The following CDH13 variants were observed in gnomAD, a reference collection of about 807,000 sequenced individuals.
CDH13 encodes the protein cadherin 13.
A neutral mutation model predicts 63.8 loss-of-function variants in CDH13; 24 were observed. The ratio of observed to expected loss-of-function variants is 0.38; its 90% CI spans 0.27 to 0.53. CDH13 has a LOEUF of 0.53. Ranked by LOEUF, CDH13 falls within the 20% of genes least tolerant of loss-of-function variation. The pLI is 0.85. For missense variants in CDH13, 1,049 were observed against 903.1 expected, an observed-to-expected ratio of 1.16 and a Z score of -2.07; for synonymous variants, 503 against 355.3, an observed-to-expected ratio of 1.42 and a Z score of -4.67.
intron 2 of CDH13, among the ~76,000 whole-genome samples, chr16:82,988,504 G>A (rs1911236306): frequency 6.6e-6 from 1 of 152,146 alleles, no homozygotes; most frequent in Admixed American, 6.5e-5. Context: ...GCTCACACAT[G>A]TAATCCCAGC....
At chr16:83,751,353 G>T (rs992299721) in intron 11 of CDH13, among the ~76,000 whole-genome samples, 2 of 152,134 alleles carry the variant, frequency 1.3e-5, no homozygotes, top group Non-Finnish European at 2.9e-5. Context: ...TCAGCACTTT[G>T]GGAGGCTGAG....
intron 1 of CDH13, among the ~76,000 whole-genome samples, chr16:82,693,927 C>A (rs1361066318): frequency 6.6e-6 from 1 of 152,158 alleles, no homozygotes; most frequent in Non-Finnish European, 1.5e-5. Context: ...TAATGGGATA[C>A]ACTAAGGTAC....
intron 5 of CDH13, among the ~76,000 whole-genome samples, chr16:83,334,586 G>C (rs2090552820): frequency 1.3e-5 from 2 of 151,540 alleles, no homozygotes; most frequent in African/African-American, 4.9e-5. Context: ...ACATTGCTCA[G>C]GCTGGTCTCA....
intron 5 of CDH13, among the ~76,000 whole-genome samples, chr16:83,295,801 A>C (rs1006619871): frequency 1.3e-5 from 2 of 152,180 alleles, no homozygotes; most frequent in African/African-American, 4.8e-5. Context: ...CATATGATTC[A>C]ACAATCTCAC....
At chr16:83,425,260 C>T (rs549999167) in intron 6 of CDH13, among the ~76,000 whole-genome samples, 1 of 152,164 alleles carries the variant, frequency 6.6e-6, no homozygotes, top group Non-Finnish European at 1.5e-5. Flanking sequence ...AAATGGGACC[C>T]AATATGTCAT....
chr16:83,772,182 A>T (rs1051957676), intron 11 of CDH13, among the ~76,000 whole-genome samples: 7 of 152,230 alleles, frequency 4.6e-5, no homozygotes, highest in Admixed American at 6.5e-5. Flanking sequence ...AGACTGAAAG[A>T]CATGCTTAAG....
At chr16:82,988,453 C>G (rs1014140128) in intron 2 of CDH13, among the ~76,000 whole-genome samples, 1 of 151,912 alleles carries the variant, frequency 6.6e-6, no homozygotes, top group East Asian at 1.9e-4. Flanking sequence ...TCTAGAAGAG[C>G]TGAAAACGTC....
intron 7 of CDH13, among the ~76,000 whole-genome samples, chr16:83,554,393 T>TA (rs2075564230): frequency 6.6e-6 from 1 of 151,922 alleles, no homozygotes; most frequent in South Asian, 2.1e-4. Context: ...AAGGAGCATA[T>TA]AATGGTGATG....
At chr16:83,137,017 G>T (rs2036318838) in intron 4 of CDH13, among the ~76,000 whole-genome samples, 1 of 152,232 alleles carries the variant, frequency 6.6e-6, no homozygotes, top group Non-Finnish European at 1.5e-5. Flanking sequence ...GTTGACTTCA[G>T]CACGGCACTG....
At chr16:82,872,979 A>G (rs1477975240) in intron 2 of CDH13, among the ~76,000 whole-genome samples, 2 of 152,224 alleles carry the variant, frequency 1.3e-5, no homozygotes, top group Admixed American at 1.3e-4. Flanking sequence ...ACCCTTGAGA[A>G]CACAGGAAAA....
At chr16:83,181,673 C>A (rs2038351934) in intron 4 of CDH13, among the ~76,000 whole-genome samples, 1 of 152,134 alleles carries the variant, frequency 6.6e-6, no homozygotes, top group Non-Finnish European at 1.5e-5. Context: ...GACTTGGAGC[C>A]AGGAAGGCTT....
intron 1 of CDH13, among the ~76,000 whole-genome samples, chr16:82,822,102 T>A (rs2038030885): frequency 6.6e-6 from 1 of 152,148 alleles, no homozygotes; most frequent in Admixed American, 6.5e-5. Context: ...TCGACAGACA[T>A]TTGCCTCACC....
chr16:83,152,735 G>C (rs1461681931), intron 4 of CDH13, among the ~76,000 whole-genome samples: 1 of 152,218 alleles, frequency 6.6e-6, no homozygotes, highest in Non-Finnish European at 1.5e-5. Context: ...CAAAACCCAT[G>C]TGTTGAAGTC....
intron 6 of CDH13, among the ~76,000 whole-genome samples, chr16:83,474,830 T>A (rs79130619): frequency 0.12 from 18,000 of 152,154 alleles, 1,397 homozygotes; most frequent in South Asian, 0.23. Context: ...GCAGTGACTG[T>A]TTGACTTCTG....
intron 4 of CDH13, among the ~76,000 whole-genome samples, chr16:83,143,508 A>G (rs2036622421): frequency 6.6e-6 from 1 of 152,216 alleles, no homozygotes; most frequent in Admixed American, 6.5e-5. Context: ...TGACTGAACT[A>G]AAAATATTTT....
chr16:82,949,349 C>T (rs935380194), intron 2 of CDH13, among the ~76,000 whole-genome samples: 6 of 152,268 alleles, frequency 3.9e-5, no homozygotes, highest in African/African-American at 1.2e-4. Context: ...CTTCACATGG[C>T]ATTTTCTTAT....
intron 1 of CDH13, among the ~76,000 whole-genome samples, chr16:82,780,006 G>A (rs1257506416): frequency 1.3e-5 from 2 of 152,078 alleles, no homozygotes; most frequent in Non-Finnish European, 2.9e-5. Context: ...TTTTGTGCCA[G>A]GAGCAAATCC....
chr16:83,471,904 C>T (rs966748758), intron 6 of CDH13, among the ~76,000 whole-genome samples: 2 of 152,104 alleles, frequency 1.3e-5, no homozygotes, highest in African/African-American at 4.8e-5. Flanking sequence ...TGATTGTCTC[C>T]CTTGTACAAA....
intron 3 of CDH13, among the ~76,000 whole-genome samples, chr16:83,077,412 C>T (rs1597285278): frequency 1.3e-5 from 2 of 151,684 alleles, no homozygotes; most frequent in Admixed American, 6.6e-5. Context: ...AGGCTGGTCT[C>T]GAACTCCTGA....
Sources: gnomAD v4.1 joint callset for allele counts (sites outside exome capture counted in the v4.1 genomes callset) on GRCh38, gnomAD v4.1.1 for gene constraint, MANE v1.5 for transcripts, NCBI Gene and HGNC (gene_info 2026-07-23, HGNC 2026-07-21) for gene names.